The following XKR9 variants were observed in gnomAD, a reference collection of about 807,000 sequenced individuals.
XKR9 encodes the protein XK-related protein 9.
Under a neutral mutation model 32.0 loss-of-function variants are expected in XKR9, and 32 were observed. That is an observed-to-expected ratio of 1.00 (90% CI 0.76 to 1.34). The LOEUF (loss-of-function observed/expected upper bound fraction) is 1.34, where lower values mean the gene tolerates loss of function less well. Among genes scored for constraint, XKR9 ranks in the 40% most tolerant of loss-of-function variants. The probability of loss-of-function intolerance (pLI) is 0.00; values close to 1 mark genes in which losing one functional copy is unlikely to be tolerated. For synonymous variants in XKR9, 168 were observed against 143.4 expected (o/e 1.17, Z -1.22); for missense variants, 546 against 429.7 (o/e 1.27, Z -2.39).
At chr8:71,033,428 A>G in the XKR9 span, among the ~76,000 whole-genome samples, 5 of 152,312 alleles carry the variant, frequency 3.3e-5, no homozygotes, top group East Asian at 7.7e-4. Context: ...TACTCTAGGA[A>G]TTATTAATAG....
the XKR9 span, among the ~76,000 whole-genome samples, chr8:70,803,038 A>T: frequency 1.3e-5 from 2 of 152,162 alleles, no homozygotes; most frequent in African/African-American, 4.8e-5. Flanking sequence ...GATATCCTCA[A>T]ATATGTTTTT....
chr8:70,829,559 C>T, the XKR9 span, among the ~76,000 whole-genome samples: 1 of 152,206 alleles, frequency 6.6e-6, no homozygotes, highest in African/African-American at 2.4e-5. Context: ...CGCCATTCTC[C>T]TGCCTCAGCC....
At chr8:70,855,373 T>C in the XKR9 span, among the ~76,000 whole-genome samples, 2 of 152,124 alleles carry the variant, frequency 1.3e-5, no homozygotes, top group East Asian at 3.9e-4. Context: ...GAAGAAAGGG[T>C]ATCAGTGATG....
At chr8:71,050,989 A>G in the XKR9 span, among the ~76,000 whole-genome samples, 58 of 152,168 alleles carry the variant, frequency 3.8e-4, no homozygotes, top group Non-Finnish European at 4.4e-5. Context: ...GGAAGAACTT[A>G]ACATTCCAAC....
At chr8:71,017,422 C>T in the XKR9 span, among the ~76,000 whole-genome samples, 11 of 152,014 alleles carry the variant, frequency 7.2e-5, no homozygotes, top group Middle Eastern at 3.2e-3. Context: ...TCACCATCCT[C>T]AAGAAGGTTT....
the XKR9 span, among the ~76,000 whole-genome samples, chr8:70,836,346 G>A: frequency 5.9e-5 from 9 of 152,036 alleles, no homozygotes; most frequent in African/African-American, 2.2e-4. Flanking sequence ...GTTCCCCCAT[G>A]TCCTTGCTCC....
At chr8:71,047,186 GA>G in the XKR9 span, among the ~76,000 whole-genome samples, 3 of 152,358 alleles carry the variant, frequency 2.0e-5, no homozygotes, top group South Asian at 6.2e-4. Context: ...TTGTGGGAAA[GA>G]AGATTGGGTA....
chr8:70,995,212 C>T, the XKR9 span, among the ~76,000 whole-genome samples: 1 of 152,150 alleles, frequency 6.6e-6, no homozygotes, highest in East Asian at 1.9e-4. Flanking sequence ...ACTTAAGCAA[C>T]TGCAAAGGGG....
the XKR9 span, among the ~76,000 whole-genome samples, chr8:70,855,830 C>T: frequency 6.6e-5 from 10 of 152,210 alleles, no homozygotes; most frequent in Non-Finnish European, 1.3e-4. Flanking sequence ...ATTCAACAAT[C>T]TTAAAGAAAA....
At chr8:70,763,756 C>T (rs1360979770) in intron 2 of XKR9, among the ~76,000 whole-genome samples, 1 of 152,144 alleles carries the variant, frequency 6.6e-6, no homozygotes, top group Non-Finnish European at 1.5e-5. Flanking sequence ...TGGTGTTGCT[C>T]CTCTTCAAAT....
chr8:70,727,277 T>A lies in XKR9; in HGVS notation c.494-6519T>A, dbSNP rs59353672. ...ATTATAAAAAAGATATGGGGCAATT[T>A]AGGGGAAAATTATATTTTAACTAAA... On this transcript the variant is annotated intron_variant, in intron 4 of 4. Coordinates refer to ENST00000408926, the MANE Select transcript of XKR9 (RefSeq NM_001011720.2). Among the ~76,000 whole-genome samples the A allele has an allele frequency of 9.7e-3, 1,473 of 152,026 alleles. 23 individuals carry two copies. Among genetic ancestry groups the A allele is most frequent in the African/African-American group, 0.034 (1,403 of 41,480 alleles).
chr8:71,030,155 C>A, the XKR9 span, among the ~76,000 whole-genome samples: 1 of 152,072 alleles, frequency 6.6e-6, no homozygotes, highest in Non-Finnish European at 1.5e-5. Flanking sequence ...AGATTGCATG[C>A]ATGGCATCTT....
At chr8:70,679,137 G>T (rs1209153927) in intron 2 of XKR9, among the ~76,000 whole-genome samples, 1 of 152,056 alleles carries the variant, frequency 6.6e-6, no homozygotes, top group Non-Finnish European at 1.5e-5. Flanking sequence ...TCCTCTTCTT[G>T]TAAGAACTCC....
chr8:70,998,328 T>A, the XKR9 span, among the ~76,000 whole-genome samples: 1 of 152,208 alleles, frequency 6.6e-6, no homozygotes, highest in Non-Finnish European at 1.5e-5. Context: ...GCATTTAGCA[T>A]GCTCTTTGGT....
the XKR9 span, among the ~76,000 whole-genome samples, chr8:70,810,283 G>A: frequency 6.6e-6 from 1 of 152,296 alleles, no homozygotes; most frequent in Admixed American, 6.5e-5. Flanking sequence ...AAGAGCTCCT[G>A]AAGGAAGCAC....
At chr8:71,050,766 C>T in the XKR9 span, among the ~76,000 whole-genome samples, 30 of 152,220 alleles carry the variant, frequency 2.0e-4, no homozygotes, top group African/African-American at 7.2e-4. Flanking sequence ...AAATCTACTG[C>T]ACTTAGCCCG....
At chr8:70,865,738 G>T in the XKR9 span, among the ~76,000 whole-genome samples, 1 of 152,144 alleles carries the variant, frequency 6.6e-6, no homozygotes, top group Non-Finnish European at 1.5e-5. Flanking sequence ...GGAAGAAAAA[G>T]TTACTTTGCA....
the XKR9 span, among the ~76,000 whole-genome samples, chr8:70,916,398 TTGACAAATCAAG>T: frequency 1.3e-5 from 2 of 152,224 alleles, no homozygotes; most frequent in African/African-American, 4.8e-5. Context: ...AGTGCCATCT[TTGACAAATCAAG>T]TGGTTATGTG....
chr8:70,760,411 AGAGT>A (rs1807291842), intron 2 of XKR9, among the ~76,000 whole-genome samples: 1 of 152,224 alleles, frequency 6.6e-6, no homozygotes, highest in Non-Finnish European at 1.5e-5. Flanking sequence ...TCACACTGGT[AGAGT>A]GAATTATTAC....
Sources: gnomAD v4.1 joint callset for allele counts (sites outside exome capture counted in the v4.1 genomes callset) on GRCh38, gnomAD v4.1.1 for gene constraint, MANE v1.5 for transcripts, NCBI Gene and HGNC (gene_info 2026-07-23, HGNC 2026-07-21) for gene names.